RSRC1: variants seen among roughly 807,000 people sequenced by gnomAD.
The protein encoded by RSRC1 is arginine and serine rich coiled-coil 1, also known as serine/Arginine-related protein 53.
A neutral mutation model predicts 49.1 loss-of-function variants in RSRC1; 39 were observed. The ratio of observed to expected loss-of-function variants is 0.79; its 90% confidence interval spans 0.61 to 1.04. The LOEUF is 1.04. Among genes scored for constraint, RSRC1 ranks in the 50% least tolerant of loss-of-function variants. The probability of loss-of-function intolerance (pLI) is 0.00; values close to 1 mark genes in which losing one functional copy is unlikely to be tolerated. For synonymous variants in RSRC1, 143 were observed against 130.8 expected (o/e 1.09, Z -0.63); for missense variants, 388 against 402.4 (o/e 0.96, Z 0.31).
intron 6 of RSRC1, among the ~76,000 whole-genome samples, chr3:158,450,065 C>T (rs1440362792): frequency 6.6e-6 from 1 of 151,964 alleles, no homozygotes; most frequent in African/African-American, 2.4e-5. Flanking sequence ...TACCTGTATA[C>T]AGGGGTTTGT....
intron 3 of RSRC1, among the ~76,000 whole-genome samples, chr3:158,187,259 A>C (rs2108260021): frequency 6.6e-6 from 1 of 152,160 alleles, no homozygotes; most frequent in East Asian, 1.9e-4. Flanking sequence ...AAGTACATGA[A>C]TATAGCTTGC....
At chr3:158,256,046 C>G (rs1319589637) in intron 4 of RSRC1, among the ~76,000 whole-genome samples, 2 of 151,958 alleles carry the variant, frequency 1.3e-5, no homozygotes, top group Non-Finnish European at 2.9e-5. Flanking sequence ...ATTTGAATAC[C>G]CTTTATTTCT....
chr3:158,217,341 A>G (rs1721997170), intron 4 of RSRC1, among the ~76,000 whole-genome samples: 1 of 151,660 alleles, frequency 6.6e-6, no homozygotes. Flanking sequence ...GCTCACTTGC[A>G]TGTGACTGGG....
chr3:158,378,907 T>A (rs1732534733), intron 6 of RSRC1, among the ~76,000 whole-genome samples: 1 of 152,186 alleles, frequency 6.6e-6, no homozygotes, highest in East Asian at 1.9e-4. Flanking sequence ...CCAAAATCTG[T>A]TTATTCACTC....
At chr3:158,485,911 C>T (rs923382584) in intron 7 of RSRC1, among the ~76,000 whole-genome samples, 1 of 151,924 alleles carries the variant, frequency 6.6e-6, no homozygotes, top group South Asian at 2.1e-4. Context: ...AAGTCATATG[C>T]GTATAAAAGA....
intron 3 of RSRC1, among the ~76,000 whole-genome samples, chr3:158,178,885 T>C (rs1448102890): frequency 6.6e-6 from 1 of 152,156 alleles, no homozygotes; most frequent in Non-Finnish European, 1.5e-5. Flanking sequence ...TTCCTAAATG[T>C]TTTATTTTTA....
chr3:158,196,765 G>T (rs1720647713), intron 3 of RSRC1, among the ~76,000 whole-genome samples: 2 of 152,062 alleles, frequency 1.3e-5, no homozygotes, highest in Non-Finnish European at 2.9e-5. Flanking sequence ...TAATCATGTG[G>T]TTTTTGTCAT....
chr3:158,252,156 A>C (rs1176864053), intron 4 of RSRC1, among the ~76,000 whole-genome samples: 2 of 149,096 alleles, frequency 1.3e-5, no homozygotes, highest in African/African-American at 5.0e-5. Context: ...GGTCATGATG[A>C]ATGATTTTTT....
intron 6 of RSRC1, among the ~76,000 whole-genome samples, chr3:158,386,170 A>G (rs1732955452): frequency 6.6e-6 from 1 of 152,116 alleles, no homozygotes. Flanking sequence ...TGCTTTAAAA[A>G]AAGGCATTTT....
intron 6 of RSRC1, among the ~76,000 whole-genome samples, chr3:158,389,989 T>C (rs1733178896): frequency 2.0e-5 from 3 of 152,240 alleles, no homozygotes; most frequent in Admixed American, 1.3e-4. Context: ...AAAAATATCT[T>C]GATCTCATTT....
At chr3:158,501,801 T>C (rs1416026937) in intron 7 of RSRC1, among the ~76,000 whole-genome samples, 1 of 152,238 alleles carries the variant, frequency 6.6e-6, no homozygotes, top group African/African-American at 2.4e-5. Flanking sequence ...TTCTTATCCA[T>C]TCTGCGGTTC....
chr3:158,525,207 A>G (rs1711934702), intron 7 of RSRC1, among the ~76,000 whole-genome samples: 1 of 152,030 alleles, frequency 6.6e-6, no homozygotes, highest in Non-Finnish European at 1.5e-5. Flanking sequence ...TAAAGAACTC[A>G]TAACTCAATA....
At chr3:158,134,722 T>G (rs1340910657) in intron 3 of RSRC1, among the ~76,000 whole-genome samples, 2 of 152,206 alleles carry the variant, frequency 1.3e-5, no homozygotes, top group Non-Finnish European at 2.9e-5. Flanking sequence ...AACTTTCTTT[T>G]GCTTTCACTC....
At chr3:158,406,775 C>A (rs1734179686) in intron 6 of RSRC1, among the ~76,000 whole-genome samples, 1 of 152,082 alleles carries the variant, frequency 6.6e-6, no homozygotes, top group Admixed American at 6.6e-5. Flanking sequence ...AATGGGGCAG[C>A]TAGTCAGCTA....
intron 6 of RSRC1, among the ~76,000 whole-genome samples, chr3:158,438,332 T>G (rs1736165624): frequency 6.6e-6 from 1 of 152,162 alleles, no homozygotes; most frequent in Non-Finnish European, 1.5e-5. Flanking sequence ...AGAGTTCATA[T>G]GGAACCAAAA....
At chr3:158,353,562 G>A (rs182300182) in intron 5 of RSRC1, among the ~76,000 whole-genome samples, 3 of 152,100 alleles carry the variant, frequency 2.0e-5, no homozygotes, top group Admixed American at 6.6e-5. Flanking sequence ...GATATAATAC[G>A]TTCTCCCAGT....
rs569238473 is a variant in RSRC1, at chr3:158,516,083, C to T, written c.653-21009C>T. On this transcript the variant is annotated intron_variant, in intron 7 of 9. Coordinates refer to ENST00000611884, the MANE Select transcript of RSRC1 (RefSeq NM_001271838.2). ...TTGGAGTAATTTGATCATCTGAAGC[C>T]TTCTTCTCTCAGCTCGTCAAAGTCA... Among the ~76,000 whole-genome samples the T allele has an allele frequency of 2.1e-3, 317 of 152,306 alleles. 1 individual carries two copies. Among genetic ancestry groups the T allele is most frequent in the African/African-American group, 7.3e-3 (303 of 41,556 alleles).
intron 7 of RSRC1, among the ~76,000 whole-genome samples, chr3:158,530,913 T>TTA (rs1712357360): frequency 2.1e-5 from 2 of 95,628 alleles, no homozygotes; most frequent in East Asian, 6.2e-4. Flanking sequence ...AAATAATAAA[T>TTA]AAAAAAAAAA....
At chr3:158,232,392 T>C (rs1450612929) in intron 4 of RSRC1, among the ~76,000 whole-genome samples, 1 of 152,122 alleles carries the variant, frequency 6.6e-6, no homozygotes, top group African/African-American at 2.4e-5. Context: ...CAGTTCCTTT[T>C]CACAAAAGTA....
Sources: allele counts gnomAD v4.1 joint callset (sites outside exome capture counted in the v4.1 genomes callset), GRCh38; gene constraint gnomAD v4.1.1; transcripts MANE v1.5; gene names NCBI Gene and HGNC (gene_info 2026-07-23, HGNC 2026-07-21).